The following ARID1B variants were observed in gnomAD, a reference collection of about 807,000 sequenced individuals.
ARID1B encodes the protein AT-rich interaction domain 1B, also known as AT-rich interactive domain-containing protein 1B.
Under a neutral mutation model 212.3 loss-of-function variants are expected in ARID1B, and 30 were observed. That is an observed-to-expected ratio of 0.14 (90% CI 0.11 to 0.19). ARID1B has a LOEUF of 0.19. Ranked by LOEUF, ARID1B falls within the 10% of genes least tolerant of loss-of-function variation. The pLI, the probability that ARID1B is intolerant of heterozygous loss-of-function variation, is 1.00. For missense variants in ARID1B, 2,891 were observed against 3,204.0 expected, an observed-to-expected ratio of 0.90 and a Z score of 2.36; for synonymous variants, 1,402 against 1,301.7, an observed-to-expected ratio of 1.08 and a Z score of -1.66.
intron 4 of ARID1B, among the ~76,000 whole-genome samples, chr6:157,011,767 T>C (rs1199091428): frequency 6.6e-6 from 1 of 152,260 alleles, no homozygotes. Flanking sequence ...GTTGTCTTTC[T>C]CTACTACCTT....
intron 1 of ARID1B, among the ~76,000 whole-genome samples, chr6:156,786,333 T>A (rs942306161): frequency 6.6e-6 from 1 of 152,178 alleles, no homozygotes; most frequent in African/African-American, 2.4e-5. Context: ...CCCTCATGTT[T>A]TTACTTTTTA....
intron 7 of ARID1B, among the ~76,000 whole-genome samples, chr6:157,143,140 C>A (rs1360465022): frequency 4.6e-5 from 7 of 152,190 alleles, no homozygotes; most frequent in Middle Eastern, 6.8e-3. Flanking sequence ...CATTTGGTGA[C>A]CAATTTTCCA....
chr6:156,956,756 C>CTT (rs1473487689), intron 4 of ARID1B, among the ~76,000 whole-genome samples: 1 of 152,174 alleles, frequency 6.6e-6, no homozygotes, highest in Non-Finnish European at 1.5e-5. Flanking sequence ...TCCAGTAGAA[C>CTT]TTTCTGCAGT....
chr6:157,010,284 T>TG (rs1387617813), intron 4 of ARID1B, among the ~76,000 whole-genome samples: 3 of 89,114 alleles, frequency 3.4e-5, no homozygotes, highest in Admixed American at 1.1e-4. Context: ...GCCTGTTTTT[T>TG]TTTTTTTTTT....
chr6:156,929,324 T>A (rs1791506780), intron 3 of ARID1B, among the ~76,000 whole-genome samples: 2 of 151,484 alleles, frequency 1.3e-5, no homozygotes, highest in Admixed American at 6.6e-5. Flanking sequence ...TATTTGAAAT[T>A]CATCTACACA....
chr6:157,054,969 A>G (rs762548970), intron 4 of ARID1B, among the ~76,000 whole-genome samples: 14 of 152,146 alleles, frequency 9.2e-5, no homozygotes, highest in Non-Finnish European at 1.9e-4. Context: ...TTTTCCATTC[A>G]GTTTAGAACT....
intron 4 of ARID1B, among the ~76,000 whole-genome samples, chr6:157,078,987 G>GA (rs1784468837): frequency 6.6e-6 from 1 of 152,156 alleles, no homozygotes; most frequent in South Asian, 2.1e-4. Flanking sequence ...TTTTGATACG[G>GA]ATTTTTGGAG....
chr6:156,888,016 C>T (rs1787653024), intron 2 of ARID1B, among the ~76,000 whole-genome samples: 1 of 152,160 alleles, frequency 6.6e-6, no homozygotes, highest in South Asian at 2.1e-4. Flanking sequence ...CTGTCCCCAC[C>T]CCATAGTTAT....
At chr6:156,847,364 C>T (rs558800993) in intron 2 of ARID1B, among the ~76,000 whole-genome samples, 3 of 152,240 alleles carry the variant, frequency 2.0e-5, no homozygotes, top group South Asian at 2.1e-4. Flanking sequence ...TGTTTAGATT[C>T]GCCAGGAAAA....
chr6:157,097,068 C>G (rs1300307472), intron 5 of ARID1B, among the ~76,000 whole-genome samples: 1 of 152,112 alleles, frequency 6.6e-6, no homozygotes, highest in African/African-American at 2.4e-5. Flanking sequence ...GTGGTTTTAG[C>G]TGTCTCGTTC....
chr6:157,043,467 G>A (rs1457800016), intron 4 of ARID1B, among the ~76,000 whole-genome samples: 5 of 152,098 alleles, frequency 3.3e-5, no homozygotes, highest in South Asian at 2.1e-4. Context: ...GGGAGACAGC[G>A]TGATATGGCC....
At chr6:157,004,191 A>G (rs1448908511) in intron 4 of ARID1B, among the ~76,000 whole-genome samples, 1 of 152,126 alleles carries the variant, frequency 6.6e-6, no homozygotes, top group Non-Finnish European at 1.5e-5. Flanking sequence ...TGAGCCTTTT[A>G]TCTCTGCCTT....
At chr6:157,039,763 TCCTA>T (rs558978406) in intron 4 of ARID1B, among the ~76,000 whole-genome samples, 2,196 of 109,268 alleles carry the variant, frequency 0.02, 68 homozygotes, top group South Asian at 0.035. Context: ...CTTCCTACCT[TCCTA>T]CCTACCTACC....
At chr6:156,898,522 G>A (rs1166608855) in intron 2 of ARID1B, among the ~76,000 whole-genome samples, 2 of 152,184 alleles carry the variant, frequency 1.3e-5, no homozygotes, top group Admixed American at 6.5e-5. Context: ...GCAGCATCCA[G>A]CAGAAGGCTC....
intron 4 of ARID1B, among the ~76,000 whole-genome samples, chr6:157,079,014 A>C (rs1784469779): frequency 6.6e-6 from 1 of 152,242 alleles, no homozygotes; most frequent in Non-Finnish European, 1.5e-5. Flanking sequence ...ACTAATTTTA[A>C]ATTAACATCA....
chr6:157,093,409 C>T (rs1022453512), intron 5 of ARID1B, among the ~76,000 whole-genome samples: 1 of 152,198 alleles, frequency 6.6e-6, no homozygotes, highest in South Asian at 2.1e-4. Flanking sequence ...AAGACTCTTA[C>T]TAATCAGTTT....
At chr6:156,983,435 TC>T (rs983622027) in intron 4 of ARID1B, among the ~76,000 whole-genome samples, 6 of 152,178 alleles carry the variant, frequency 3.9e-5, no homozygotes, top group African/African-American at 1.4e-4. Context: ...GTTGGAGGCC[TC>T]CTGTGTGAGC....
At chr6:156,817,832 C>T (rs1782073968) in intron 1 of ARID1B, among the ~76,000 whole-genome samples, 1 of 152,070 alleles carries the variant, frequency 6.6e-6, no homozygotes, top group Non-Finnish European at 1.5e-5. Context: ...AATGCATTTT[C>T]TCAGAATCAT....
chr6:156,965,200 A>G (rs1177917672), intron 4 of ARID1B, among the ~76,000 whole-genome samples: 1 of 152,184 alleles, frequency 6.6e-6, no homozygotes, highest in Non-Finnish European at 1.5e-5. Flanking sequence ...ACAGTTTTTT[A>G]AAGCTTCAAA....
Sources: allele counts gnomAD v4.1 joint callset (sites outside exome capture counted in the v4.1 genomes callset), GRCh38; gene constraint gnomAD v4.1.1; transcripts MANE v1.5; gene names NCBI Gene and HGNC (gene_info 2026-07-23, HGNC 2026-07-21).